Variants in ZNF697 observed in about 807,000 individuals in gnomAD.
The protein encoded by ZNF697 is zinc finger protein 697.
A neutral mutation model predicts 32.4 loss-of-function variants in ZNF697; 23 were observed. The ratio of observed to expected loss-of-function variants is 0.71; its 90% confidence interval spans 0.51 to 1.01. The LOEUF (loss-of-function observed/expected upper bound fraction) is 1.01, where lower values mean the gene tolerates loss of function less well. Ranked by LOEUF, ZNF697 falls within the 50% of genes least tolerant of loss-of-function variation. The pLI, the probability that ZNF697 is intolerant of heterozygous loss-of-function variation, is 0.00. For synonymous variants in ZNF697, 418 were observed against 337.2 expected (o/e 1.24, Z -2.62); for missense variants, 930 against 794.0 (o/e 1.17, Z -2.06).
intron 1 of ZNF697, among the ~76,000 whole-genome samples, chr1:119,628,559 T>G (rs1052957644): frequency 1.3e-5 from 2 of 152,138 alleles, no homozygotes; most frequent in African/African-American, 4.8e-5. Context: ...TGATCCTTAT[T>G]TTCATTTAGA....
rs1287776263 is a variant in ZNF697, at chr1:119,623,718, G to C, written c.625C>G (p.Arg209Gly). The C allele has an allele frequency of 1.3e-6, 2 of 1,525,324 alleles. No homozygotes were observed. Among genetic ancestry groups the C allele is most frequent in the Admixed American group, 2.0e-5 (1 of 50,610 alleles). 94.5% of individuals were successfully genotyped at this position (1,525,324 alleles called of 1,614,324 possible). Residue 209 changes from arginine (R) to glycine (G), a missense_variant, in exon 3 of 3, where the codon CGC becomes GGC. Physicochemically the swap from Arg to Gly is moderately radical, Grantham distance 125. Transcript: ENST00000421812. ...SPGAAFLQHQ[R>G]IHRLAEAAAA... ...GCGGCCTCAGCCAGGCGGTGAATGCGCTGGTGCTGCAGGAAGGCGGCGCCA... is the reference window on the plus strand; with the variant it reads ...GCGGCCTCAGCCAGGCGGTGAATGCCCTGGTGCTGCAGGAAGGCGGCGCCA...
rs149922536 is a variant in ZNF697 at position 119,636,712 on chromosome 1, C to T, written c.-37-10575G>A. ...AGGTTAAGTAAATTGCCCATGAACA[C>T]ACCAGTTAAGGGCAGACACGAGCCT... On this transcript the variant is annotated intron_variant, in intron 1 of 2. Transcript: ENST00000421812. Among the ~76,000 whole-genome samples the T allele has an allele frequency of 5.6e-3, 852 of 152,302 alleles. 5 individuals carry two copies. Among genetic ancestry groups the T allele is most frequent in the African/African-American group, 0.02 (822 of 41,556 alleles).
chr1:119,620,076 G>T lies in ZNF697; in HGVS notation c.*2629C>A, dbSNP rs951676285. ...ATGCAGGTAAGTTCCCTGAAGAATT[G>T]TAAGAAAAAATGGAATCACATTTTA... On this transcript the variant is annotated 3_prime_UTR_variant, in exon 3 of 3. Transcript: ENST00000421812. 1 of 152,626 alleles carries T rather than the reference G, an allele frequency of 6.6e-6. No individual in the cohort carries two copies. The highest frequency in any genetic ancestry group is 1.9e-4 in the East Asian group (1 of 5,198). 9.5% of individuals were successfully genotyped at this position (152,626 alleles called of 1,614,324 possible).
In ZNF697 at chr1:119,638,254, T is replaced by C. The variant is rs1056599648; in HGVS notation, c.-38+9437A>G. Among the ~76,000 whole-genome samples the C allele has an allele frequency of 1.3e-5, 2 of 152,204 alleles. 1 individual carries two copies. The highest frequency in any genetic ancestry group is 6.3e-3 in the Middle Eastern group (2 of 316). On this transcript the variant is annotated intron_variant, in intron 1 of 2. Transcript: ENST00000421812. ...GTGCTAGTGAGCCCTAGTTAAAAACTTAACATCACCACCACACTCTCACAG... is the reference window on the plus strand; with the variant it reads ...GTGCTAGTGAGCCCTAGTTAAAAACCTAACATCACCACCACACTCTCACAG...
chr1:119,623,927 G>C lies in ZNF697; in HGVS notation c.416C>G (p.Pro139Arg), dbSNP rs1189230140. The C allele has an allele frequency of 1.3e-6, 2 of 1,585,586 alleles. No individual in the cohort carries two copies. Among genetic ancestry groups the C allele is most frequent in the Non-Finnish European group, 8.6e-7 (1 of 1,166,032 alleles). The change falls in exon 3 of 3, where the codon CCC (proline) becomes CGC (arginine). Residue 139 changes from proline to arginine, a missense_variant. Pro to Arg is a moderately radical substitution (Grantham distance 103). Coordinates refer to ENST00000421812, the MANE Select transcript of ZNF697 (RefSeq NM_001080470.2). ...LEEEEEQPAP[P>R]VLPWRRHLSL... ...GAGATGTCGCCTCCAGGGAAGTACG[G>C]GAGGGGCCGGCTGCTCCTCTTCCTC... is the stretch of plus-strand genomic sequence containing the variant.
chr1:119,629,616 C>T (rs1048744871), intron 1 of ZNF697, among the ~76,000 whole-genome samples: 1 of 151,700 alleles, frequency 6.6e-6, no homozygotes, highest in Non-Finnish European at 1.5e-5. Context: ...GGTTGTTTCT[C>T]GAGCCACAAA....
intron 1 of ZNF697, among the ~76,000 whole-genome samples, chr1:119,630,936 G>A (rs1296097872): frequency 6.6e-6 from 1 of 152,184 alleles, no homozygotes; most frequent in East Asian, 1.9e-4. Flanking sequence ...GCCAGTAGCA[G>A]AGCCAGAATT....
chr1:119,635,276 A>G (rs767749537), intron 1 of ZNF697, among the ~76,000 whole-genome samples: 23 of 152,320 alleles, frequency 1.5e-4, no homozygotes, highest in Non-Finnish European at 3.1e-4. Flanking sequence ...CCAGAACAAG[A>G]GTGGTTACAA....
rs1327884142 is a variant in ZNF697 at position 119,623,276 on chromosome 1, C to T, written c.1067G>A (p.Gly356Glu). 2.7e-6 allele frequency: 4 copies of T among 1,497,818 alleles called. No homozygotes were observed. The highest frequency in any genetic ancestry group is 2.2e-5 in the Admixed American group (1 of 45,140). 92.8% of individuals were successfully genotyped at this position (1,497,818 alleles called of 1,614,324 possible). The change falls in exon 3 of 3, where the codon GGG becomes GAG. Residue 356 changes from glycine to glutamate, a missense_variant. Physicochemically the swap from Gly to Glu is moderately conservative, Grantham distance 98. Coordinates refer to ENST00000421812, the MANE Select transcript of ZNF697 (RefSeq NM_001080470.2). Reference protein sequence around the residue: ...GAAALRPFACGECGKGFVRRS... With the variant: ...GAAALRPFACEECGKGFVRRS... ...GCGCACGAAGCCCTTGCCGCACTCCCCGCAGGCGAAGGGCCGCAGCGCCGC... is the reference window on the plus strand; with the variant it reads ...GCGCACGAAGCCCTTGCCGCACTCCTCGCAGGCGAAGGGCCGCAGCGCCGC...
intron 1 of ZNF697, among the ~76,000 whole-genome samples, chr1:119,630,819 C>T (rs1019375612): frequency 6.6e-6 from 1 of 151,988 alleles, no homozygotes; most frequent in Admixed American, 6.5e-5. Flanking sequence ...CCAAGACTGA[C>T]CCCACCTTCC....
intron 1 of ZNF697, among the ~76,000 whole-genome samples, chr1:119,645,123 G>A (rs1649168941): frequency 6.6e-6 from 1 of 152,156 alleles, no homozygotes; most frequent in South Asian, 2.1e-4. Flanking sequence ...TTTTGTGAAT[G>A]TCCTTGTACT....
At position 119,625,960 on chromosome 1, in the gene ZNF697, G is replaced by T. The variant is rs376390932; in HGVS notation, c.141C>A (p.Asn47Lys). The T allele has an allele frequency of 4.3e-6, 7 of 1,613,728 alleles. No individual in the cohort carries two copies. The highest frequency in any genetic ancestry group is 5.1e-6 in the Non-Finnish European group (6 of 1,179,722). The stretch of plus-strand genomic sequence containing the variant: ...CCGGCTCCGGATGGCCTTCTCTCTT[G>T]TTTGTGTCATGTGGATTAGAGCCCA... ...REMGSNPHDT[N>K]KREGHPEPEM... Residue 47 changes from asparagine (N) to lysine (K), a missense_variant, in exon 2 of 3, where the codon AAC (asparagine) becomes AAA (lysine). Asn to Lys is a moderately conservative substitution (Grantham distance 94). Coordinates refer to ENST00000421812, the MANE Select transcript of ZNF697 (RefSeq NM_001080470.2).
rs763253314 is a variant in ZNF697, at chr1:119,625,949, CCTT to C, written c.149_151del (p.Glu50del). 6.2e-7 allele frequency: 1 copy of C among 1,614,054 alleles called. No homozygotes were observed. The highest frequency in any genetic ancestry group is 8.5e-7 in the Non-Finnish European group (1 of 1,179,910). ...GGAGCCCATCTCCGGCTCCGGATGGCCTTCTCTCTTGTTTGTGTCATGTGGATT... is the reference window on the plus strand; with the variant it reads ...GGAGCCCATCTCCGGCTCCGGATGGCCTCTCTTGTTTGTGTCATGTGGATT... On this transcript the variant is annotated inframe_deletion, in exon 2 of 3. Coordinates refer to ENST00000421812, the MANE Select transcript of ZNF697 (RefSeq NM_001080470.2).
At position 119,625,910 on chromosome 1, in the gene ZNF697, G is replaced by A; in HGVS notation, c.191C>T (p.Ser64Leu). The A allele has an allele frequency of 6.2e-7, 1 of 1,613,826 alleles. No homozygotes were observed. The highest frequency in any genetic ancestry group is 8.5e-7 in the Non-Finnish European group (1 of 1,179,856). ...GTCGGGCACTGCTTCCCTGTGCCTT[G>A]AGTCCTGTGGGTTGGAGCCCATCTC... Reference protein sequence around the residue: ...EPEMGSNPQDSRHREAVPDIC... With the variant: ...EPEMGSNPQDLRHREAVPDIC... Residue 64 changes from serine (S) to leucine (L), a missense_variant, in exon 2 of 3, where the codon TCA (serine) becomes TTA (leucine). By Grantham distance (145) the Ser-to-Leu change is moderately radical (BLOSUM62 -2). Coordinates refer to ENST00000421812, the MANE Select transcript of ZNF697 (RefSeq NM_001080470.2).
intron 1 of ZNF697, among the ~76,000 whole-genome samples, chr1:119,633,488 A>C (rs587660966): frequency 6.6e-6 from 1 of 152,216 alleles, no homozygotes; most frequent in Admixed American, 6.5e-5. Flanking sequence ...GGGTCAGCTG[A>C]CAGGCTGGAG....
In ZNF697 at chr1:119,624,028, T is replaced by G. The variant is rs1419865872; in HGVS notation, c.315A>C (p.Gly105=). 17 of 1,612,768 alleles carry G rather than the reference T, an allele frequency of 1.1e-5. No individual in the cohort carries two copies. The highest frequency in any genetic ancestry group is 1.4e-5 in the Non-Finnish European group (16 of 1,179,494). The change falls in exon 3 of 3, where the codon GGA becomes GGC. Residue 105 remains glycine, a synonymous_variant. Transcript: ENST00000421812. ...SGVADMAMFP[G]LSESDSISRS... is the part of the protein sequence containing the mutation. ...GGGATATGCTGTCAGACTCAGACAG[T>G]CCTGGGAACATCGCCATGTCAGCTA...
Position 119,639,705 on chromosome 1 carries a change from C to T in ZNF697, c.-38+7986G>A, listed in dbSNP as rs1195944898. Among the ~76,000 whole-genome samples, 17 of 147,406 alleles carry T rather than the reference C, an allele frequency of 1.2e-4. 2 individuals carry two copies. Among genetic ancestry groups the T allele is most frequent in the Middle Eastern group, 6.9e-3 (2 of 290 alleles). On this transcript the variant is annotated intron_variant, in intron 1 of 2. Transcript: ENST00000421812. Reference sequence around the variant, plus strand: ...ATCAGCCTGGGCAGCAGGGCAAAACCCTGTCTCTCCAAAAAAAAAAAAAAA... The same window carrying T: ...ATCAGCCTGGGCAGCAGGGCAAAACTCTGTCTCTCCAAAAAAAAAAAAAAA...
At chr1:119,629,916 C>T (rs1374105038) in intron 1 of ZNF697, among the ~76,000 whole-genome samples, 1 of 152,142 alleles carries the variant, frequency 6.6e-6, no homozygotes, top group African/African-American at 2.4e-5. Context: ...AGGTTTAATT[C>T]CAAATTCAAT....
rs1301017958 is a variant in ZNF697 at position 119,623,703 on chromosome 1, C to G, written c.640G>C (p.Ala214Pro). The G allele has an allele frequency of 3.4e-5, 52 of 1,533,982 alleles. No homozygotes were observed. Among genetic ancestry groups the G allele is most frequent in the Non-Finnish European group, 4.5e-5 (52 of 1,145,730 alleles). The change falls in exon 3 of 3, where the codon GCT (alanine) becomes CCT (proline). Residue 214 changes from alanine to proline, a missense_variant. By Grantham distance (27) the Ala-to-Pro change is conservative. Transcript: ENST00000421812. ...AGGCTGGCGGCGGCAGCGGCCTCAG[C>G]CAGGCGGTGAATGCGCTGGTGCTGC... ...FLQHQRIHRL[A>P]EAAAAASLEP...
Sources: allele counts gnomAD v4.1 joint callset (sites outside exome capture counted in the v4.1 genomes callset), GRCh38; gene constraint gnomAD v4.1.1; transcripts MANE v1.5; gene names NCBI Gene and HGNC (gene_info 2026-07-23, HGNC 2026-07-21).